DENND4A: variants seen among roughly 807,000 people sequenced by gnomAD.
DENND4A encodes the protein C-myc promoter-binding protein.
In DENND4A, 70 loss-of-function variants were observed where a neutral mutation model predicts 199.3. The observed-to-expected ratio is 0.35, with a 90% CI of 0.29 to 0.43. The LOEUF (loss-of-function observed/expected upper bound fraction) is 0.43, where lower values mean the gene tolerates loss of function less well. Ranked by LOEUF, DENND4A falls within the 20% of genes least tolerant of loss-of-function variation. The pLI is 1.00. For synonymous variants in DENND4A, 686 were observed against 766.9 expected (o/e 0.89, Z 1.74); for missense variants, 1,723 against 2,255.8 (o/e 0.76, Z 4.78).
chr15:65,693,315 G>A (rs370055880), intron 22 of DENND4A, among the ~76,000 whole-genome samples: 2 of 152,088 alleles, frequency 1.3e-5, no homozygotes, highest in East Asian at 1.9e-4. Context: ...TGGCTTGATC[G>A]AATAGGTGAT....
chr15:65,713,059 T>C (rs775421324), intron 14 of DENND4A, among the ~76,000 whole-genome samples: 4 of 152,120 alleles, frequency 2.6e-5, no homozygotes, highest in Non-Finnish European at 4.4e-5. Flanking sequence ...GGAATTAACA[T>C]TGATACATTA....
chr15:65,696,906 C>T, intron 21 of DENND4A: 1 of 322,868 alleles, frequency 3.1e-6, no homozygotes, highest in Admixed American at 3.4e-5. Flanking sequence ...GATGAATACC[C>T]AATCATCATG....
At chr15:65,720,947 T>TTTTATATATATATATATATATATA (rs1435137020) in intron 12 of DENND4A, among the ~76,000 whole-genome samples, 11 of 76,246 alleles carry the variant, frequency 1.4e-4, no homozygotes, top group African/African-American at 5.3e-4. Flanking sequence ...GTTTCATTGA[T>TTTTATATATATATATATATATATA]TATATATATA....
At chr15:65,729,311 C>G in intron 10 of DENND4A, 64 bp from the exon 11 acceptor site, 1 of 1,507,730 alleles carries the variant, frequency 6.6e-7, no homozygotes, top group South Asian at 1.2e-5. Flanking sequence ...TTTATCAGCA[C>G]ACACAAAAAA....
intron 14 of DENND4A, among the ~76,000 whole-genome samples, chr15:65,707,718 GCT>G (rs1179093736): frequency 8.9e-5 from 13 of 146,564 alleles, no homozygotes; most frequent in Non-Finnish European, 1.6e-4. Context: ...ACAGAGTCTT[GCT>G]CTGTCACCTA....
intron 7 of DENND4A, among the ~76,000 whole-genome samples, chr15:65,736,893 T>C (rs1031243481): frequency 1.2e-4 from 19 of 152,218 alleles, no homozygotes; most frequent in Admixed American, 5.9e-4. Flanking sequence ...TAAAGTTTTT[T>C]TAGTTTTGGA....
At chr15:65,676,141 AAT>A (rs57613461) in intron 24 of DENND4A, among the ~76,000 whole-genome samples, 4,223 of 110,340 alleles carry the variant, frequency 0.038, 163 homozygotes, top group African/African-American at 0.086. Flanking sequence ...AATAAGGAAA[AAT>A]ATATATATAT....
chr15:65,693,905 T>C (rs1258649452), intron 22 of DENND4A, among the ~76,000 whole-genome samples: 1 of 152,080 alleles, frequency 6.6e-6, no homozygotes, highest in Admixed American at 6.6e-5. Context: ...GCACCTGACA[T>C]ATAGTAGAAT....
intron 1 of DENND4A, chr15:65,767,171 A>G (rs887577216): frequency 5.9e-5 from 9 of 152,334 alleles, no homozygotes; most frequent in Admixed American, 2.0e-4. Flanking sequence ...AAAAAATGAG[A>G]AAGTTAAAAC....
intron 3 of DENND4A, among the ~76,000 whole-genome samples, chr15:65,755,421 A>T (rs764102412): frequency 3.9e-5 from 6 of 152,208 alleles, no homozygotes; most frequent in Non-Finnish European, 8.8e-5. Flanking sequence ...CACCCTAAGT[A>T]AAGCTCTAAT....
intron 23 of DENND4A, among the ~76,000 whole-genome samples, chr15:65,684,512 CTT>C (rs2076687634): frequency 1.3e-5 from 2 of 152,142 alleles, no homozygotes; most frequent in African/African-American, 4.8e-5. Flanking sequence ...ATTAATATCT[CTT>C]CTTTGGTGAA....
At chr15:65,705,981 G>A (rs1170565412) in intron 15 of DENND4A, 110 bp downstream of exon 15, 5 of 1,349,630 alleles carry the variant, frequency 3.7e-6, no homozygotes, top group Non-Finnish European at 4.8e-6. Flanking sequence ...CTAAAAATTA[G>A]GGATCTGTAA....
chr15:65,706,954 T>C (rs1332596433), intron 14 of DENND4A, among the ~76,000 whole-genome samples: 4 of 152,174 alleles, frequency 2.6e-5, no homozygotes, highest in African/African-American at 9.7e-5. Context: ...ATGCAAATGT[T>C]TTGCATTTGA....
rs561501202 is a variant in DENND4A at position 65,717,481 on chromosome 15, T to C, written c.1807+297A>G. Among the ~76,000 whole-genome samples the C allele has an allele frequency of 1.9e-4, 29 of 152,340 alleles. No homozygotes were observed. The South Asian group carries it at 6.0e-3, about 32-fold the overall frequency. ...TCCTCTTATCCCCAACACTGCCTGC[T>C]GCTCTGAAAGCTGAAAGTATCAGTA... On this transcript the variant is annotated intron_variant, in intron 13 of 32. Transcript: ENST00000443035.
At chr15:65,788,304 T>C (rs1022185728) in intron 1 of DENND4A, among the ~76,000 whole-genome samples, 16 of 152,160 alleles carry the variant, frequency 1.1e-4, no homozygotes, top group African/African-American at 3.9e-4. Flanking sequence ...CTCGATCTCC[T>C]GACCTTGCGA....
intron 4 of DENND4A, among the ~76,000 whole-genome samples, chr15:65,746,543 G>A (rs934192620): frequency 2.0e-5 from 3 of 150,888 alleles, no homozygotes; most frequent in Admixed American, 2.0e-4. Flanking sequence ...TGCACTACCA[G>A]GCCTGGCTAA....
intron 24 of DENND4A, among the ~76,000 whole-genome samples, chr15:65,676,015 T>A (rs1328628558): frequency 6.6e-6 from 1 of 151,614 alleles, no homozygotes; most frequent in Non-Finnish European, 1.5e-5. Context: ...AAAAAATGAA[T>A]GGGGAACATT....
chr15:65,670,292 G>C, intron 25 of DENND4A, 104 bp from the exon 26 acceptor site: 1 of 958,314 alleles, frequency 1.0e-6, no homozygotes, highest in Non-Finnish European at 1.5e-6. Flanking sequence ...AACCCAGAAG[G>C]ATTCAGATGC....
intron 1 of DENND4A, among the ~76,000 whole-genome samples, chr15:65,777,642 T>C (rs1428842064): frequency 6.6e-6 from 1 of 151,934 alleles, no homozygotes; most frequent in Non-Finnish European, 1.5e-5. Context: ...TGTGAGCCAC[T>C]GCACCGGGCC....
Sources: allele counts gnomAD v4.1 joint callset (sites outside exome capture counted in the v4.1 genomes callset), GRCh38; gene constraint gnomAD v4.1.1; transcripts MANE v1.5; gene names NCBI Gene and HGNC (gene_info 2026-07-23, HGNC 2026-07-21).